The following PSD2 variants were observed in gnomAD, a reference collection of about 807,000 sequenced individuals.
PSD2 encodes the protein PH and SEC7 domain-containing protein 2.
Under a neutral mutation model 69.8 loss-of-function variants are expected in PSD2, and 38 were observed. The ratio of observed to expected loss-of-function variants is 0.54; its 90% CI spans 0.42 to 0.71. PSD2 has a LOEUF of 0.71. PSD2 is among the 30% of genes least tolerant of loss of function. PSD2 has a pLI of 0.00. For synonymous variants in PSD2, 412 were observed against 423.0 expected (o/e 0.97, Z 0.32); for missense variants, 943 against 1,014.5 (o/e 0.93, Z 0.96).
chr5:139,812,179 A>G (rs1759984830), intron 2 of PSD2, among the ~76,000 whole-genome samples: 1 of 152,238 alleles, frequency 6.6e-6, no homozygotes, highest in African/African-American at 2.4e-5. Flanking sequence ...AAATATTAAA[A>G]CAATAAATAC....
At chr5:139,746,476 A>G in the PSD2 span, among the ~76,000 whole-genome samples, 1 of 152,150 alleles carries the variant, frequency 6.6e-6, no homozygotes, top group African/African-American at 2.4e-5. This position sits in a 1 kb window ranked among gnomAD's most constrained non-coding sequence, Gnocchi z 4.5. Context: ...GGCCCGCCGA[A>G]TGGGATCGCG....
chr5:139,806,515 G>C (rs1327504082), intron 1 of PSD2, among the ~76,000 whole-genome samples: 1 of 152,232 alleles, frequency 6.6e-6, no homozygotes, highest in Non-Finnish European at 1.5e-5. Context: ...GTCAAATATG[G>C]CGGTAGAAAG....
rs1760774490 is a variant in PSD2 at position 139,837,807 on chromosome 5, C to T, written c.1823+25C>T. On this transcript the variant is annotated intron_variant, in intron 12 of 14. Coordinates refer to ENST00000274710, the MANE Select transcript of PSD2 (RefSeq NM_032289.4). This position sits in a 1 kb window ranked among gnomAD's most constrained non-coding sequence, Gnocchi z 5.0. The stretch of plus-strand genomic sequence containing the variant: ...CGTGAGTAGGAGCTGGAGCCCTTCA[C>T]TCCCACCTGGGGCCCAGGGCCACAG... 1 of 1,592,584 alleles carries T rather than the reference C, an allele frequency of 6.3e-7. No homozygotes were observed. Among genetic ancestry groups the T allele is most frequent in the Non-Finnish European group, 8.6e-7 (1 of 1,165,114 alleles).
At chr5:139,778,534 T>C in the PSD2 span, among the ~76,000 whole-genome samples, 1 of 152,250 alleles carries the variant, frequency 6.6e-6, no homozygotes, top group Non-Finnish European at 1.5e-5. Flanking sequence ...TTTTAGGACA[T>C]TTAAGTTATT....
the PSD2 span, among the ~76,000 whole-genome samples, chr5:139,766,994 T>TTTCTTTCC: frequency 6.9e-6 from 1 of 145,424 alleles, no homozygotes; most frequent in African/African-American, 2.6e-5. Context: ...TCTTTCTTTC[T>TTTCTTTCC]TTCCTTCTTT....
intron 1 of PSD2, among the ~76,000 whole-genome samples, chr5:139,808,741 T>G (rs1433314766): frequency 6.6e-6 from 1 of 152,146 alleles, no homozygotes; most frequent in Non-Finnish European, 1.5e-5. Context: ...GGCTCCCGGG[T>G]GGCACCGCCC....
chr5:139,798,690 A>G (rs973766784), intron 1 of PSD2, among the ~76,000 whole-genome samples: 1 of 152,116 alleles, frequency 6.6e-6, no homozygotes, highest in Admixed American at 6.5e-5. Context: ...AATCTTTTGA[A>G]AGTAAGTTGC....
chr5:139,805,884 G>C (rs1293919594), intron 1 of PSD2, among the ~76,000 whole-genome samples: 2 of 152,134 alleles, frequency 1.3e-5, no homozygotes, highest in Non-Finnish European at 2.9e-5. Flanking sequence ...TAATCTAGGG[G>C]AGATGGTTAG....
upstream of PSD2, among the ~76,000 whole-genome samples, chr5:139,795,572 C>G (rs1006909599): frequency 3.9e-5 from 6 of 152,082 alleles, no homozygotes; most frequent in African/African-American, 1.2e-4. The surrounding 1 kb of genome is among the most constrained non-coding windows in gnomAD (Gnocchi z 4.5). Flanking sequence ...TCCCCTCCCC[C>G]CCTTTCTTAA....
chr5:139,804,391 G>T (rs1461117864), intron 1 of PSD2, among the ~76,000 whole-genome samples: 1 of 152,192 alleles, frequency 6.6e-6, no homozygotes, highest in Non-Finnish European at 1.5e-5. Context: ...CCAGATTAGG[G>T]TATGGAATCA....
intron 9 of PSD2, 70 bp from the exon 10 acceptor site, chr5:139,836,741 G>A: frequency 7.1e-7 from 1 of 1,407,762 alleles, no homozygotes. Flanking sequence ...GGAGGCTGGT[G>A]GGGAAAGGCC....
At position 139,839,064 on chromosome 5, in the gene PSD2, A is replaced by C. The variant is rs1413122037; in HGVS notation, c.1968+292A>C. 6.6e-6 allele frequency among the ~76,000 whole-genome samples: 1 copy of C among 152,240 alleles called. No individual in the cohort carries two copies. The highest frequency in any genetic ancestry group is 1.5e-5 in the Non-Finnish European group (1 of 68,042). On this transcript the variant is annotated intron_variant, in intron 13 of 14. Coordinates refer to ENST00000274710, the MANE Select transcript of PSD2 (RefSeq NM_032289.4). This position sits in a 1 kb window ranked among gnomAD's most constrained non-coding sequence, Gnocchi z 5.1. ...TTGGTGGCCTTGTGTGCACCTGGGC[A>C]CAAATGCAAGAGACCGTGTGTCACA...
chr5:139,839,917 G>A lies in PSD2; in HGVS notation c.1969-110G>A. 3 of 1,255,572 alleles carry A rather than the reference G, an allele frequency of 2.4e-6. No individual in the cohort carries two copies. Among genetic ancestry groups the A allele is most frequent in the Non-Finnish European group, 3.4e-6 (3 of 879,470 alleles). 77.8% of individuals were successfully genotyped at this position (1,255,572 alleles called of 1,614,324 possible). ...TCTGTCCCCACATTTTGGTGATGCTGGCTAGGCCTTCATTTCCCTTTGGTG... is the reference window on the plus strand; with the variant it reads ...TCTGTCCCCACATTTTGGTGATGCTAGCTAGGCCTTCATTTCCCTTTGGTG... On this transcript the variant is annotated intron_variant, in intron 13 of 14. Transcript: ENST00000274710. The surrounding 1 kb of genome is among the most constrained non-coding windows in gnomAD (Gnocchi z 5.1).
chr5:139,830,565 C>CCTTCCTTT (rs1554096354), intron 7 of PSD2, among the ~76,000 whole-genome samples: 1,446 of 120,172 alleles, frequency 0.012, 13 homozygotes, highest in Non-Finnish European at 0.016. Flanking sequence ...TTCCTTCCTT[C>CCTTCCTTT]CTTTCTTTCT....
intron 2 of PSD2, 143 bp from the exon 3 acceptor site, chr5:139,813,166 T>G: frequency 1.6e-6 from 1 of 634,168 alleles, no homozygotes. Flanking sequence ...TTGTGCTCAG[T>G]TAGTATTGGC....
chr5:139,834,266 C>T (rs1261376208), intron 8 of PSD2, among the ~76,000 whole-genome samples: 1 of 152,062 alleles, frequency 6.6e-6, no homozygotes, highest in Non-Finnish European at 1.5e-5. Flanking sequence ...TTTTTGGTGG[C>T]TCGGTGATGG....
the PSD2 span, among the ~76,000 whole-genome samples, chr5:139,783,998 G>A: frequency 1.5e-5 from 2 of 131,902 alleles, no homozygotes; most frequent in Admixed American, 1.7e-4. Flanking sequence ...ATGCTGGAGT[G>A]CAGTGGCATG....
At chr5:139,772,499 C>T in the PSD2 span, 1 of 152,414 alleles carries the variant, frequency 6.6e-6, no homozygotes, top group Non-Finnish European at 1.5e-5. Flanking sequence ...GTCCCCTCTC[C>T]TTCTCCCTGT....
Position 139,813,560 on chromosome 5 carries a change from A to C in PSD2, c.623A>C (p.Asp208Ala), listed in dbSNP as rs750942552. ...ATTGGGGACATGGCGTTTGAGGGGG[A>C]CATGGGGGCAGCTGGTGGTGATGGG... The part of the protein sequence containing the change: ...LGIGDMAFEG[D>A]MGAAGGDGEL... Residue 208 changes from aspartate to alanine, a missense_variant, in exon 3 of 15, where the codon GAC (aspartate) becomes GCC (alanine). Around this residue, in one of 3 missense-constraint regions of PSD2, gnomAD observed 466 missense variants for 445.0 expected, o/e 1.05. Coordinates refer to ENST00000274710, the MANE Select transcript of PSD2 (RefSeq NM_032289.4). The C allele has an allele frequency of 6.2e-7, 1 of 1,611,806 alleles. No homozygotes were observed. Among genetic ancestry groups the C allele is most frequent in the East Asian group, 2.2e-5 (1 of 44,790 alleles).
Sources: allele counts gnomAD v4.1 joint callset (sites outside exome capture counted in the v4.1 genomes callset), GRCh38; gene constraint gnomAD v4.1.1; regional missense constraint gnomAD v4.1.1; non-coding constraint Gnocchi (gnomAD v3.1); transcripts MANE v1.5; gene names NCBI Gene and HGNC (gene_info 2026-07-23, HGNC 2026-07-21).